Variants in CLEC6A observed in about 807,000 individuals in gnomAD.
CLEC6A encodes C-type lectin domain containing 6A, also known as C-type lectin domain family 6 member A.
A neutral mutation model predicts 25.7 loss-of-function variants in CLEC6A; 22 were observed. That is an observed-to-expected ratio of 0.85 (90% confidence interval 0.61 to 1.22). CLEC6A has a LOEUF of 1.22. Among genes scored for constraint, CLEC6A ranks in the 50% most tolerant of loss-of-function variants. The pLI, the probability that CLEC6A is intolerant of heterozygous loss-of-function variation, is 0.00. For synonymous variants in CLEC6A, 92 were observed against 76.7 expected (o/e 1.20, Z -1.04); for missense variants, 240 against 236.8 (o/e 1.01, Z -0.09).
chr12:8,465,677 T>C, intron 4 of CLEC6A, 48 bp downstream of exon 4: 1 of 1,537,348 alleles, frequency 6.5e-7, no homozygotes, highest in Non-Finnish European at 8.9e-7. Flanking sequence ...AAACACACAA[T>C]ATAAAATTTA....
intron 3 of CLEC6A, chr12:8,460,778 A>T: frequency 7.4e-7 from 1 of 1,349,848 alleles, no homozygotes; most frequent in Non-Finnish European, 1.1e-6. Flanking sequence ...CTGGGCTACA[A>T]GGCCAAACAA....
In CLEC6A at chr12:8,458,591, T is replaced by A. The variant is rs1939711163; in HGVS notation, c.121+604T>A. Among the ~76,000 whole-genome samples the A allele has an allele frequency of 2.6e-5, 4 of 152,170 alleles. 1 individual carries two copies. In the South Asian group the frequency reaches 8.3e-4, roughly 32 times the overall value. ...GTGATTAAAAATGGGTATTGAATAGTCTGGGAGGGAGTGAAAGTGACTTCC... is the reference window on the plus strand; with the variant it reads ...GTGATTAAAAATGGGTATTGAATAGACTGGGAGGGAGTGAAAGTGACTTCC... On this transcript the variant is annotated intron_variant, in intron 2 of 5. Coordinates refer to ENST00000382073, the MANE Select transcript of CLEC6A (RefSeq NM_001007033.2).
intron 4 of CLEC6A, among the ~76,000 whole-genome samples, chr12:8,466,608 T>C (rs1453311356): frequency 6.6e-6 from 1 of 152,152 alleles, no homozygotes; most frequent in Non-Finnish European, 1.5e-5. Context: ...TATCTCATTG[T>C]GATTTTGATT....
At chr12:8,458,088 G>T (rs906818398) in intron 2 of CLEC6A, 101 bp downstream of exon 2, 1 of 724,604 alleles carries the variant, frequency 1.4e-6, no homozygotes, top group Non-Finnish European at 2.3e-6. Flanking sequence ...TAATACGTCA[G>T]CTCTTACTTG....
intron 3 of CLEC6A, chr12:8,461,093 G>T: frequency 1.3e-6 from 2 of 1,596,036 alleles, no homozygotes; most frequent in South Asian, 2.2e-5. Context: ...CACAAGCACA[G>T]GGAGATGTGT....
At chr12:8,461,064 G>T (rs1939747576) in intron 3 of CLEC6A, 1 of 1,595,442 alleles carries the variant, frequency 6.3e-7, no homozygotes, top group South Asian at 1.1e-5. Flanking sequence ...CTGACACCCA[G>T]TGGATCACCA....
chr12:8,460,525 T>G, intron 3 of CLEC6A: 2 of 655,534 alleles, frequency 3.1e-6, no homozygotes, highest in Non-Finnish European at 5.3e-6. Flanking sequence ...AAGGTGAGAT[T>G]TGGGTGGAGA....
At position 8,465,631 on chromosome 12, in the gene CLEC6A, T is replaced by A. The variant is rs1163006512; in HGVS notation, c.369+2T>A. ...GTGTTCAACACAGAAGCAGAGCAGG[T>A]ACTGTTTCCATTTAAAATTTATTTA... is the stretch of plus-strand genomic sequence containing the variant. On this transcript the variant is annotated splice_donor_variant, in intron 4 of 5. Transcript: ENST00000382073. LOFTEE classifies it high-confidence loss of function. The A allele has an allele frequency of 6.2e-7, 1 of 1,600,018 alleles. No individual in the cohort carries two copies. Among genetic ancestry groups the A allele is most frequent in the Non-Finnish European group, 8.5e-7 (1 of 1,175,262 alleles).
At chr12:8,472,443 A>C (rs1489818585) in intron 4 of CLEC6A, among the ~76,000 whole-genome samples, 8 of 152,184 alleles carry the variant, frequency 5.3e-5, no homozygotes, top group African/African-American at 1.4e-4. Context: ...AAACTGATGC[A>C]TGTTTCACTC....
intron 5 of CLEC6A, 69 bp from the exon 6 acceptor site, chr12:8,477,251 C>A: frequency 7.5e-7 from 1 of 1,329,494 alleles, no homozygotes; most frequent in Non-Finnish European, 1.0e-6. Context: ...TCACCCCAGA[C>A]TTTTATACTT....
chr12:8,471,349 A>G (rs180851846), intron 4 of CLEC6A, among the ~76,000 whole-genome samples: 1 of 152,022 alleles, frequency 6.6e-6, no homozygotes, highest in Non-Finnish European at 1.5e-5. Flanking sequence ...ATATTGTTTC[A>G]GGAGGATTAG....
chr12:8,465,847 C>T (rs748073198), intron 4 of CLEC6A, among the ~76,000 whole-genome samples: 4 of 152,296 alleles, frequency 2.6e-5, no homozygotes, highest in Non-Finnish European at 5.9e-5. Context: ...CTGGCAATCA[C>T]TCCTCTGCTT....
intron 2 of CLEC6A, among the ~76,000 whole-genome samples, chr12:8,458,296 T>G (rs2136356272): frequency 6.6e-6 from 1 of 152,334 alleles, no homozygotes; most frequent in East Asian, 1.9e-4. Flanking sequence ...TAATTGTGTG[T>G]TCCCTGGTGA....
intron 4 of CLEC6A, among the ~76,000 whole-genome samples, chr12:8,469,954 A>T (rs1467710729): frequency 6.6e-6 from 1 of 152,226 alleles, no homozygotes; most frequent in Non-Finnish European, 1.5e-5. Flanking sequence ...TAAACTAAAA[A>T]GCTTTGCACA....
intron 4 of CLEC6A, among the ~76,000 whole-genome samples, chr12:8,474,168 G>A (rs1939941513): frequency 6.6e-6 from 1 of 152,024 alleles, no homozygotes; most frequent in Admixed American, 6.6e-5. Flanking sequence ...CGGCATGGTG[G>A]TTCCTAGGGT....
intron 3 of CLEC6A, among the ~76,000 whole-genome samples, chr12:8,465,265 G>C (rs999730369): frequency 8.9e-5 from 13 of 146,504 alleles, no homozygotes; most frequent in African/African-American, 3.3e-4. Context: ...TTGCAAAAAA[G>C]AAAATTGGGA....
At chr12:8,468,017 C>A (rs941238681) in intron 4 of CLEC6A, among the ~76,000 whole-genome samples, 1 of 152,074 alleles carries the variant, frequency 6.6e-6, no homozygotes, top group Admixed American at 6.5e-5. Flanking sequence ...TCTTGGCTCA[C>A]TGTGACCTCT....
At position 8,477,661 on chromosome 12, in the gene CLEC6A, A is replaced by G. The variant is rs1939995748; in HGVS notation, c.*197A>G. ...TCTCGTTTCCTCTTTTCCATTAATG[A>G]TAGAATGCACCCTTCCTCTCTTTGT... On this transcript the variant is annotated 3_prime_UTR_variant, in exon 6 of 6. Transcript: ENST00000382073. The G allele has an allele frequency of 4.7e-6, 2 of 429,244 alleles. No homozygotes were observed. The highest frequency in any genetic ancestry group is 2.1e-5 in the African/African-American group (1 of 48,440). 26.6% of individuals were successfully genotyped at this position (429,244 alleles called of 1,614,324 possible).
chr12:8,476,306 T>C lies in CLEC6A; in HGVS notation c.485+66T>C, dbSNP rs1053699866. Reference sequence around the variant, plus strand: ...GGGAAATTTTGTTAGGAGTTACTAATAATGTTAATATTGGTAATTATGATA... The same window carrying C: ...GGGAAATTTTGTTAGGAGTTACTAACAATGTTAATATTGGTAATTATGATA... On this transcript the variant is annotated intron_variant, in intron 5 of 5. Transcript: ENST00000382073. 12 of 849,070 alleles carry C rather than the reference T, an allele frequency of 1.4e-5. No homozygotes were observed. In the Middle Eastern group the frequency reaches 8.7e-4, roughly 62 times the overall value. 52.6% of individuals were successfully genotyped at this position (849,070 alleles called of 1,614,324 possible).
Sources: allele counts gnomAD v4.1 joint callset (sites outside exome capture counted in the v4.1 genomes callset), GRCh38; gene constraint gnomAD v4.1.1; transcripts MANE v1.5; gene names NCBI Gene and HGNC (gene_info 2026-07-23, HGNC 2026-07-21).